Variants in BAZ2B observed in about 807,000 individuals in gnomAD.
BAZ2B encodes bromodomain adjacent to zinc finger domain protein 2B.
BAZ2B carries 91 observed loss-of-function variants against 246.0 expected under a neutral mutation model. The ratio of observed to expected loss-of-function variants is 0.37; its 90% CI spans 0.31 to 0.44. BAZ2B has a LOEUF of 0.44. Among genes scored for constraint, BAZ2B ranks in the 20% least tolerant of loss-of-function variants. BAZ2B has a pLI of 1.00. For synonymous variants in BAZ2B, 855 were observed against 860.0 expected (o/e 0.99, Z 0.10); for missense variants, 2,332 against 2,533.7 (o/e 0.92, Z 1.71).
At chr2:159,551,265 C>T (rs1411550086) in intron 2 of BAZ2B, among the ~76,000 whole-genome samples, 3 of 151,980 alleles carry the variant, frequency 2.0e-5, no homozygotes, top group Non-Finnish European at 2.9e-5. Context: ...GTCAGGAGAT[C>T]AAAACCATCC....
intron 25 of BAZ2B, among the ~76,000 whole-genome samples, chr2:159,380,209 C>CTTTAACATCTGTAAAATCCTTGGCTTT (rs2061839977): frequency 6.6e-6 from 1 of 152,146 alleles, no homozygotes; most frequent in Non-Finnish European, 1.5e-5. Flanking sequence ...ATCATCTCGT[C>CTTTAACATCTGTAAAATCCTTGGCTTT]TTTAACATCT....
intron 27 of BAZ2B, among the ~76,000 whole-genome samples, chr2:159,364,113 A>G (rs1433195031): frequency 2.6e-5 from 4 of 151,888 alleles, no homozygotes; most frequent in Admixed American, 2.6e-4. Context: ...AGTCCCCTTT[A>G]CTCTCTTCCA....
At chr2:159,652,151 C>T in the BAZ2B span, among the ~76,000 whole-genome samples, 1 of 151,958 alleles carries the variant, frequency 6.6e-6, no homozygotes, top group Non-Finnish European at 1.5e-5. Flanking sequence ...ATTTTACTTT[C>T]TCCCCAGCAA....
chr2:159,389,442 A>G lies in BAZ2B; in HGVS notation c.3119T>C (p.Leu1040Ser). Residue 1040 changes from leucine to serine, a missense_variant, in exon 21 of 37, where the codon TTA (leucine) becomes TCA (serine). Coordinates refer to ENST00000392783, the MANE Select transcript of BAZ2B (RefSeq NM_013450.4). ...CTGCTCTAGTTTACGCTCTTTATTTAATCTTTTCTCATCACGTTTTTCTTG... is the reference window on the plus strand; with the variant it reads ...CTGCTCTAGTTTACGCTCTTTATTTGATCTTTTCTCATCACGTTTTTCTTG... Reference protein sequence around the residue: ...LKQEKRDEKRLNKERKLEQRR... With the variant: ...LKQEKRDEKRSNKERKLEQRR... 9 of 1,610,238 alleles carry G rather than the reference A, an allele frequency of 5.6e-6. No homozygotes were observed. Among genetic ancestry groups the G allele is most frequent in the Non-Finnish European group, 6.8e-6 (8 of 1,178,558 alleles).
intron 31 of BAZ2B, among the ~76,000 whole-genome samples, chr2:159,338,580 T>A (rs541432107): frequency 1.0e-3 from 158 of 152,266 alleles, no homozygotes; most frequent in Middle Eastern, 6.8e-3. Context: ...CCTTCAAAGA[T>A]TTCCTATTCT....
At position 159,389,366 on chromosome 2, in the gene BAZ2B, G is replaced by A. The variant is rs1268702931; in HGVS notation, c.3195C>T (p.Asp1065=). 1.9e-6 allele frequency: 3 copies of A among 1,609,606 alleles called. No homozygotes were observed. Among genetic ancestry groups the A allele is most frequent in the Non-Finnish European group, 1.7e-6 (2 of 1,177,948 alleles). ...TTACCTTTTGGTCTGCTAAGCACAT[G>A]TCTTCATTAGGCTTCTTTAGTTCCT... The part of the protein sequence containing the change: ...MAKELKKPNE[D]MCLADQKPLP... Residue 1065 remains aspartate (D), a synonymous_variant, in exon 21 of 37, where the codon GAC becomes GAT. Transcript: ENST00000392783.
chr2:159,647,755 G>GA, the BAZ2B span, among the ~76,000 whole-genome samples: 1 of 152,136 alleles, frequency 6.6e-6, no homozygotes, highest in Non-Finnish European at 1.5e-5. Context: ...AGATGACTTT[G>GA]AAAAAGTAAT....
chr2:159,416,293 G>A (rs1303276351), intron 13 of BAZ2B, among the ~76,000 whole-genome samples: 1 of 152,058 alleles, frequency 6.6e-6, no homozygotes, highest in Non-Finnish European at 1.5e-5. Flanking sequence ...TCCAAATAAA[G>A]TCAATAGGAA....
the BAZ2B span, among the ~76,000 whole-genome samples, chr2:159,641,509 C>T: frequency 9.9e-5 from 15 of 152,216 alleles, no homozygotes; most frequent in Admixed American, 9.8e-4. Context: ...ATTCTGTAGG[C>T]AGTCTGTTTA....
intron 27 of BAZ2B, among the ~76,000 whole-genome samples, chr2:159,363,585 TATAAA>T (rs1464696247): frequency 2.0e-5 from 3 of 151,916 alleles, no homozygotes; most frequent in African/African-American, 7.3e-5. Context: ...CTGCCCAAAA[TATAAA>T]GAAAGAAGGA....
chr2:159,555,327 C>G (rs58467724), intron 2 of BAZ2B: 8,184 of 151,920 alleles, frequency 0.054, 382 homozygotes, highest in African/African-American at 0.12. Context: ...CTGACCTCAG[C>G]TGATCCACCC....
At chr2:159,482,224 C>T (rs2079323894) in intron 2 of BAZ2B, among the ~76,000 whole-genome samples, 2 of 150,660 alleles carry the variant, frequency 1.3e-5, no homozygotes, top group Admixed American at 1.3e-4. Context: ...AAAACTAAAC[C>T]TTGAAGGAAT....
At chr2:159,342,895 C>T (rs1177152662) in intron 31 of BAZ2B, among the ~76,000 whole-genome samples, 1 of 152,150 alleles carries the variant, frequency 6.6e-6, no homozygotes, top group Non-Finnish European at 1.5e-5. Context: ...TAATGATATT[C>T]TTCACAGAAA....
At chr2:159,406,724 G>A (rs561992999) in intron 14 of BAZ2B, among the ~76,000 whole-genome samples, 7 of 152,016 alleles carry the variant, frequency 4.6e-5, no homozygotes, top group African/African-American at 1.4e-4. Context: ...TTTATTGATC[G>A]CAGGCACTAT....
chr2:159,572,647 G>A lies in BAZ2B; in HGVS notation c.-45-16782C>T, dbSNP rs148661300. ...ATAGGCATGTTTGTAACACTTTTTAGAGCTAGATTTTTGCTGTTCTTGCAA... is the reference window on the plus strand; with the variant it reads ...ATAGGCATGTTTGTAACACTTTTTAAAGCTAGATTTTTGCTGTTCTTGCAA... On this transcript the variant is annotated intron_variant, in intron 1 of 36. Transcript: ENST00000392783. 7.9e-5 allele frequency among the ~76,000 whole-genome samples: 12 copies of A among 152,158 alleles called. No individual in the cohort carries two copies. In the East Asian group the frequency reaches 1.5e-3, roughly 20 times the overall value.
chr2:159,541,517 G>A (rs997099449), intron 2 of BAZ2B, among the ~76,000 whole-genome samples: 16 of 152,112 alleles, frequency 1.1e-4, no homozygotes, highest in African/African-American at 3.4e-4. Flanking sequence ...GACCTCAGGC[G>A]ATCTGCCCAC....
chr2:159,552,524 G>A (rs778294853), intron 2 of BAZ2B, among the ~76,000 whole-genome samples: 10 of 152,074 alleles, frequency 6.6e-5, no homozygotes, highest in Non-Finnish European at 1.5e-4. Flanking sequence ...CGTTTTATAG[G>A]TGAAGATACT....
intron 2 of BAZ2B, among the ~76,000 whole-genome samples, chr2:159,539,074 A>C (rs2086346825): frequency 1.3e-5 from 2 of 152,236 alleles, no homozygotes; most frequent in South Asian, 4.1e-4. Context: ...AAATCTCCAT[A>C]GAGTGAATAT....
chr2:159,413,613 C>T (rs1001178570), intron 13 of BAZ2B, among the ~76,000 whole-genome samples: 1 of 152,108 alleles, frequency 6.6e-6, no homozygotes, highest in South Asian at 2.1e-4. Context: ...GAGGATGAGG[C>T]AGGAGAATTG....
Sources: gnomAD v4.1 joint callset for allele counts (sites outside exome capture counted in the v4.1 genomes callset) on GRCh38, gnomAD v4.1.1 for gene constraint, MANE v1.5 for transcripts, NCBI Gene and HGNC (gene_info 2026-07-23, HGNC 2026-07-21) for gene names.